SLC13A3: variants seen among roughly 807,000 people sequenced by gnomAD.
The protein encoded by SLC13A3 is Na(+)/dicarboxylate cotransporter 3.
In SLC13A3, 40 loss-of-function variants were observed where a neutral mutation model predicts 59.0. That is an observed-to-expected ratio of 0.68 (90% CI 0.53 to 0.88). The LOEUF (loss-of-function observed/expected upper bound fraction) is 0.88, where lower values mean the gene tolerates loss of function less well. Among genes scored for constraint, SLC13A3 ranks in the 40% least tolerant of loss-of-function variants. The pLI is 0.00. For missense variants in SLC13A3, 699 were observed against 783.2 expected (o/e 0.89, Z 1.28); for synonymous variants, 317 against 330.3 (o/e 0.96, Z 0.44).
At chr20:46,585,298 G>A (rs1321028459) in intron 8 of SLC13A3, 10 of 987,270 alleles carry the variant, frequency 1.0e-5, no homozygotes, top group Non-Finnish European at 1.2e-5. Flanking sequence ...AACTGCTCAT[G>A]GTGATGATCT....
At position 46,625,680 on chromosome 20, in the gene SLC13A3, C is replaced by T. The variant is rs543456924; in HGVS notation, c.112-11955G>A. Among the ~76,000 whole-genome samples the T allele has an allele frequency of 7.2e-5, 11 of 152,266 alleles. No homozygotes were observed. The South Asian group carries it at 2.3e-3, about 32-fold the overall frequency. Reference sequence around the variant, plus strand: ...TCTATCACTATAGATTGGTTTTTGCCTGTTCTGGGATATAATGGAATCATA... The same window carrying T: ...TCTATCACTATAGATTGGTTTTTGCTTGTTCTGGGATATAATGGAATCATA... On this transcript the variant is annotated intron_variant, in intron 1 of 12. Coordinates refer to ENST00000279027, the MANE Select transcript of SLC13A3 (RefSeq NM_022829.6).
At chr20:46,570,222 TAGTA>T (rs2062018205) in intron 10 of SLC13A3, among the ~76,000 whole-genome samples, 1 of 152,248 alleles carries the variant, frequency 6.6e-6, no homozygotes. Flanking sequence ...TCTCTGTACT[TAGTA>T]AGCACTGAAT....
intron 1 of SLC13A3, among the ~76,000 whole-genome samples, chr20:46,676,377 T>G (rs190507987): frequency 1.6e-4 from 24 of 145,992 alleles, no homozygotes; most frequent in African/African-American, 5.8e-4. Flanking sequence ...TCCAAATCAC[T>G]GCCCCTTCAC....
At chr20:46,667,256 T>C (rs1450664579) in intron 1 of SLC13A3, among the ~76,000 whole-genome samples, 4 of 152,110 alleles carry the variant, frequency 2.6e-5, no homozygotes, top group African/African-American at 4.8e-5. Context: ...GGTCTGGGCA[T>C]GGGAGGATGG....
intron 1 of SLC13A3, among the ~76,000 whole-genome samples, chr20:46,626,991 A>T (rs976503768): frequency 6.6e-6 from 1 of 150,906 alleles, no homozygotes; most frequent in Non-Finnish European, 1.5e-5. Context: ...CACACTGTTC[A>T]TTGTGGTCTG....
At chr20:46,640,745 G>C (rs138739073) in intron 1 of SLC13A3, among the ~76,000 whole-genome samples, 1 of 152,128 alleles carries the variant, frequency 6.6e-6, no homozygotes, top group South Asian at 2.1e-4. Context: ...TTGGACACAC[G>C]TGTCTGACTT....
In SLC13A3 at chr20:46,656,483, C is replaced by T. The variant is rs571900633; in HGVS notation, c.-31+13560G>A. Among the ~76,000 whole-genome samples the T allele has an allele frequency of 4.2e-5, 5 of 120,004 alleles. No homozygotes were observed. The South Asian group carries it at 1.1e-3, about 26-fold the overall frequency. The allele number at this position is 120,004 out of a possible 152,430, so 78.7% of individuals were successfully genotyped here. On this transcript the variant is annotated intron_variant, in intron 1 of 12. Coordinates refer to the SLC13A3 transcript ENST00000290317. ...GATATACTATACAGTATATATTATA[C>T]TGTATATGATATACTATACAGTATA...
chr20:46,652,189 A>G (rs1317002535), upstream of SLC13A3, among the ~76,000 whole-genome samples: 1 of 152,188 alleles, frequency 6.6e-6, no homozygotes, highest in Non-Finnish European at 1.5e-5. Flanking sequence ...AATCCCCATG[A>G]CACAAGTTTA....
chr20:46,658,324 T>C (rs1392539985), intron 1 of SLC13A3, among the ~76,000 whole-genome samples: 1 of 152,140 alleles, frequency 6.6e-6, no homozygotes, highest in Non-Finnish European at 1.5e-5. Context: ...AGAAACCATA[T>C]AGTGATTGCC....
chr20:46,618,131 C>A (rs1400202321), intron 1 of SLC13A3, among the ~76,000 whole-genome samples: 1 of 152,176 alleles, frequency 6.6e-6, no homozygotes, highest in East Asian at 1.9e-4. Flanking sequence ...GACACCTAGA[C>A]CCCTAGACTG....
At chr20:46,656,219 T>TA, upstream of SLC13A3, among the ~76,000 whole-genome samples, 1 of 143,156 alleles carries the variant, frequency 7.0e-6, no homozygotes, top group Non-Finnish European at 1.5e-5. Context: ...TAATACTGTA[T>TA]GTGATGTAGA....
At chr20:46,652,421 C>G (rs1190957739), upstream of SLC13A3, among the ~76,000 whole-genome samples, 6 of 152,112 alleles carry the variant, frequency 3.9e-5, no homozygotes, top group East Asian at 1.2e-3. Flanking sequence ...TGTAGTCTCA[C>G]TCTGTAACCC....
intron 9 of SLC13A3, chr20:46,582,530 G>A: frequency 8.3e-6 from 5 of 603,106 alleles, no homozygotes; most frequent in Non-Finnish European, 1.0e-5. Flanking sequence ...TGGAGCCCAA[G>A]AGTTCGAGAC....
Position 46,680,488 on chromosome 20 carries a change from G to A in SLC13A3, c.-31+3908C>T, listed in dbSNP as rs547212581. On this transcript the variant is annotated intron_variant, in intron 1 of 6. Coordinates refer to the SLC13A3 transcript ENST00000372121. ...TTAAGGAAGCACCTATTGCCCCAGA[G>A]GCAGGGAGAGTGGTCAGCAGTCAGC... is the stretch of plus-strand genomic sequence containing the variant. Among the ~76,000 whole-genome samples, 16 of 152,298 alleles carry A rather than the reference G, an allele frequency of 1.1e-4. No individual in the cohort carries two copies. The South Asian group carries it at 3.3e-3, about 32-fold the overall frequency.
chr20:46,673,947 G>A (rs1315072064), upstream of SLC13A3, among the ~76,000 whole-genome samples: 3 of 152,242 alleles, frequency 2.0e-5, no homozygotes, highest in Non-Finnish European at 4.4e-5. Context: ...GGATACAACA[G>A]TGATCAAATC....
At chr20:46,606,661 C>G (rs1033359091) in intron 3 of SLC13A3, among the ~76,000 whole-genome samples, 1 of 152,176 alleles carries the variant, frequency 6.6e-6, no homozygotes, top group Non-Finnish European at 1.5e-5. Context: ...CTGAATGCAC[C>G]ACTGCACTCC....
intron 8 of SLC13A3, chr20:46,585,413 C>T (rs12625158): frequency 0.19 from 184,469 of 991,640 alleles, 18,297 homozygotes; most frequent in Non-Finnish European, 0.2. Flanking sequence ...AAATTCAATA[C>T]AAAATTAAAA....
chr20:46,587,455 C>T (rs1017780134), intron 8 of SLC13A3, among the ~76,000 whole-genome samples: 1 of 152,134 alleles, frequency 6.6e-6, no homozygotes, highest in Non-Finnish European at 1.5e-5. Context: ...TCCTTCCCAC[C>T]AGGCCTCGCT....
chr20:46,632,975 G>A (rs6094404), intron 1 of SLC13A3, among the ~76,000 whole-genome samples: 2 of 137,052 alleles, frequency 1.5e-5, no homozygotes, highest in East Asian at 2.2e-4. Context: ...ATCTGTTTAT[G>A]TATCTATCAT....
Sources: gnomAD v4.1 joint callset for allele counts (sites outside exome capture counted in the v4.1 genomes callset) on GRCh38, gnomAD v4.1.1 for gene constraint, MANE v1.5 for transcripts, NCBI Gene and HGNC (gene_info 2026-07-23, HGNC 2026-07-21) for gene names.